The following DCDC1 variants were observed in gnomAD, a reference collection of about 807,000 sequenced individuals.
The protein encoded by DCDC1 is doublecortin domain-containing protein 1.
A neutral mutation model predicts 178.3 loss-of-function variants in DCDC1; 200 were observed. The ratio of observed to expected loss-of-function variants is 1.12; its 90% CI spans 1.00 to 1.26. The LOEUF is 1.26. Ranked by LOEUF, DCDC1 falls within the 50% of genes most tolerant of loss-of-function variation. The pLI is 0.00. For missense variants in DCDC1, 1,983 were observed against 1,749.2 expected, an observed-to-expected ratio of 1.13 and a Z score of -2.38; for synonymous variants, 690 against 604.8, an observed-to-expected ratio of 1.14 and a Z score of -2.07.
chr11:31,102,094 ACTGT>A, intron 15 of DCDC1, 79 bp downstream of exon 15: 1 of 510,580 alleles, frequency 2.0e-6, no homozygotes, highest in South Asian at 3.1e-5. Flanking sequence ...AAAAAAAAAA[ACTGT>A]CACAAATATT....
chr11:30,937,696 T>A (rs962117738), intron 21 of DCDC1, among the ~76,000 whole-genome samples: 3 of 152,132 alleles, frequency 2.0e-5, no homozygotes, highest in African/African-American at 7.2e-5. Flanking sequence ...CCTCAGTAAT[T>A]CCTCAATCGG....
chr11:31,228,496 T>C (rs1040554421), intron 9 of DCDC1, among the ~76,000 whole-genome samples: 2 of 152,072 alleles, frequency 1.3e-5, no homozygotes, highest in African/African-American at 4.8e-5. Flanking sequence ...GCTTTTGCTT[T>C]ATGAAACTAG....
intron 9 of DCDC1, among the ~76,000 whole-genome samples, chr11:31,151,730 G>A (rs1965189985): frequency 6.6e-6 from 1 of 152,072 alleles, no homozygotes; most frequent in Non-Finnish European, 1.5e-5. Flanking sequence ...GTATCACATC[G>A]CCATATTAGT....
chr11:30,977,775 A>T (rs980698938), intron 20 of DCDC1, among the ~76,000 whole-genome samples: 1 of 152,072 alleles, frequency 6.6e-6, no homozygotes, highest in Non-Finnish European at 1.5e-5. Context: ...ACAAAAAAAT[A>T]CAAAAACCAG....
At chr11:31,290,496 A>T (rs989025747) in intron 7 of DCDC1, 151 bp downstream of exon 7, 9 of 749,288 alleles carry the variant, frequency 1.2e-5, no homozygotes, top group Non-Finnish European at 1.9e-5. Flanking sequence ...AGACTTATAA[A>T]CAGGTTTATA....
intron 8 of DCDC1, among the ~76,000 whole-genome samples, chr11:31,264,848 C>T (rs1459818588): frequency 6.6e-6 from 1 of 152,168 alleles, no homozygotes. Context: ...CATCTCTTCT[C>T]CAAATACTTT....
chr11:31,191,815 C>T (rs1970165920), intron 9 of DCDC1, among the ~76,000 whole-genome samples: 2 of 152,044 alleles, frequency 1.3e-5, no homozygotes, highest in African/African-American at 4.8e-5. Flanking sequence ...TTCCATCTAT[C>T]TACTTTTGCT....
At chr11:31,205,883 G>A (rs560621836) in intron 9 of DCDC1, among the ~76,000 whole-genome samples, 6 of 152,002 alleles carry the variant, frequency 3.9e-5, no homozygotes, top group South Asian at 2.1e-4. Flanking sequence ...AAATTTAACC[G>A]GCTGCCCTAT....
chr11:31,307,649 C>T lies in DCDC1; in HGVS notation c.424G>A (p.Gly142Ser), dbSNP rs749727690. Residue 142 changes from glycine (G) to serine (S), a missense_variant, in exon 4 of 39, where the codon GGT becomes AGT. Coordinates refer to ENST00000684477, the MANE Select transcript of DCDC1 (RefSeq NM_001387274.1). ...KRNRPVSAPVGQLRVAEFSSL... is the reference protein window; with the variant it reads ...KRNRPVSAPVSQLRVAEFSSL... ...AACAGCTTTGATTACCTCAGTTGAC[C>T]CACTGGAGCACTGACAGGTCTGTTT... 2.2e-5 allele frequency: 35 copies of T among 1,613,724 alleles called. No individual in the cohort carries two copies. The highest frequency in any genetic ancestry group is 2.7e-5 in the Non-Finnish European group (32 of 1,179,868).
At chr11:31,331,619 C>A (rs1949993764) in intron 2 of DCDC1, among the ~76,000 whole-genome samples, 1 of 152,152 alleles carries the variant, frequency 6.6e-6, no homozygotes, top group African/African-American at 2.4e-5. Context: ...AAGGCCTTTT[C>A]TGCATCTATT....
At chr11:31,283,105 T>C (rs1290065609) in intron 7 of DCDC1, among the ~76,000 whole-genome samples, 5 of 152,170 alleles carry the variant, frequency 3.3e-5, no homozygotes, top group African/African-American at 4.8e-5. Context: ...GATATGTGGG[T>C]TGTTTTCCAT....
chr11:30,923,263 C>T (rs971765575), intron 23 of DCDC1, among the ~76,000 whole-genome samples: 4 of 152,118 alleles, frequency 2.6e-5, no homozygotes, highest in Admixed American at 6.5e-5. Flanking sequence ...CCCACAAAAC[C>T]TACAATATCT....
intron 20 of DCDC1, among the ~76,000 whole-genome samples, chr11:30,980,406 T>C (rs966174568): frequency 6.6e-6 from 1 of 152,112 alleles, no homozygotes; most frequent in African/African-American, 2.4e-5. Flanking sequence ...ATACTTGTTT[T>C]TAGAGACTGG....
chr11:31,266,571 G>A (rs933002527), intron 7 of DCDC1, among the ~76,000 whole-genome samples: 16 of 152,120 alleles, frequency 1.1e-4, no homozygotes, highest in Non-Finnish European at 2.4e-4. Flanking sequence ...ACTATTCCCA[G>A]CTATAATATT....
chr11:31,235,231 A>G (rs1250473392), intron 9 of DCDC1, among the ~76,000 whole-genome samples: 1 of 152,108 alleles, frequency 6.6e-6, no homozygotes, highest in Non-Finnish European at 1.5e-5. Flanking sequence ...ATTTTTTACA[A>G]TTATGGAAGT....
Position 31,091,493 on chromosome 11 carries a change from G to A in DCDC1, c.2137C>T (p.Arg713Ter), listed in dbSNP as rs762773706. The change falls in exon 17 of 39, where the codon CGA becomes TGA. Residue 713 changes from arginine (R) to a stop codon, truncating the protein, a stop_gained. Coordinates refer to ENST00000684477, the MANE Select transcript of DCDC1 (RefSeq NM_001387274.1). LOFTEE classifies it high-confidence loss of function. ...LITKTGMILSRAITQGCLAIG... is the reference protein window; with the variant it reads ...LITKTGMILS ...GCCAGGCAGCCCTGAGTTATCGCTCGGCTCAGGATCATTCCAGTCTTCCAA... is the reference window on the plus strand; with the variant it reads ...GCCAGGCAGCCCTGAGTTATCGCTCAGCTCAGGATCATTCCAGTCTTCCAA... 1.6e-5 allele frequency: 12 copies of A among 755,578 alleles called. No individual in the cohort carries two copies. The highest frequency in any genetic ancestry group is 5.5e-5 in the South Asian group (4 of 72,470). 46.8% of individuals were successfully genotyped at this position (755,578 alleles called of 1,614,324 possible).
At chr11:30,889,199 T>C (rs2134030010) in intron 36 of DCDC1, among the ~76,000 whole-genome samples, 1 of 152,294 alleles carries the variant, frequency 6.6e-6, no homozygotes, top group South Asian at 2.1e-4. Context: ...ATGCTGGTCC[T>C]GCAGAAAGAG....
At chr11:31,048,623 G>T (rs1248833582) in intron 20 of DCDC1, among the ~76,000 whole-genome samples, 1 of 152,178 alleles carries the variant, frequency 6.6e-6, no homozygotes, top group Non-Finnish European at 1.5e-5. Context: ...AGAGGCCAAG[G>T]TGGGTAGATC....
At chr11:31,230,900 A>T (rs957721413) in intron 9 of DCDC1, among the ~76,000 whole-genome samples, 5 of 151,372 alleles carry the variant, frequency 3.3e-5, no homozygotes, top group African/African-American at 7.3e-5. Flanking sequence ...ATAATTATCC[A>T]TTTTTTTTAA....
Sources: gnomAD v4.1 joint callset for allele counts (sites outside exome capture counted in the v4.1 genomes callset) on GRCh38, gnomAD v4.1.1 for gene constraint, MANE v1.5 for transcripts, NCBI Gene and HGNC (gene_info 2026-07-23, HGNC 2026-07-21) for gene names.